Variants in CELA3B observed in about 807,000 individuals in gnomAD.
CELA3B encodes chymotrypsin-like elastase family member 3B.
CELA3B carries 34 observed loss-of-function variants against 37.2 expected under a neutral mutation model. The ratio of observed to expected loss-of-function variants is 0.91; its 90% CI spans 0.70 to 1.22. The LOEUF (loss-of-function observed/expected upper bound fraction) is 1.22, where lower values mean the gene tolerates loss of function less well. CELA3B is among the 50% of genes most tolerant of loss of function. The probability of loss-of-function intolerance (pLI) is 0.00; values close to 1 mark genes in which losing one functional copy is unlikely to be tolerated. For synonymous variants in CELA3B, 127 were observed against 143.5 expected (o/e 0.89, Z 0.82); for missense variants, 340 against 363.1 (o/e 0.94, Z 0.52).
chr1:21,992,998 TG>T (rs1182160503), downstream of CELA3B, among the ~76,000 whole-genome samples: 1 of 150,132 alleles, frequency 6.7e-6, no homozygotes, highest in Non-Finnish European at 1.5e-5. Flanking sequence ...AAAAATCTTG[TG>T]GCAGTTAGAA....
intron 4 of CELA3B, among the ~76,000 whole-genome samples, chr1:21,997,427 G>A (rs1420122262): frequency 4.0e-5 from 6 of 148,670 alleles, no homozygotes; most frequent in South Asian, 2.1e-4. Flanking sequence ...GGTGGCTCAC[G>A]ACTGTAATCC....
At chr1:21,992,196 T>C (rs1402191832), downstream of CELA3B, among the ~76,000 whole-genome samples, 1 of 151,482 alleles carries the variant, frequency 6.6e-6, no homozygotes, top group African/African-American at 2.4e-5. Flanking sequence ...GTATGTTACA[T>C]GTGTCCCATG....
intron 7 of CELA3B, among the ~76,000 whole-genome samples, chr1:21,987,309 C>T (rs1239037965): frequency 1.6e-4 from 24 of 151,504 alleles, no homozygotes; most frequent in Admixed American, 8.5e-4. Context: ...AAAAATTAGC[C>T]GGGCATGGTG....
chr1:21,998,209 C>A, exon 5 of CELA3B: 1 of 469,988 alleles, frequency 2.1e-6, no homozygotes, highest in Non-Finnish European at 4.4e-6. Context: ...GTGTGATTCA[C>A]CGTGAACACT....
chr1:21,980,808 C>G lies in CELA3B; in HGVS notation c.130-16C>G. 6.4e-7 allele frequency: 1 copy of G among 1,553,008 alleles called. No individual in the cohort carries two copies. The highest frequency in any genetic ancestry group is 8.9e-7 in the Non-Finnish European group (1 of 1,129,596). On this transcript the variant is annotated splice_polypyrimidine_tract_variant and intron_variant, in intron 2 of 7. Coordinates refer to ENST00000337107, the MANE Select transcript of CELA3B (RefSeq NM_007352.4). The stretch of plus-strand genomic sequence containing the variant: ...GGGGCCCAGCCCACTGAGGCCCTTT[C>G]CTCCTGGGCCACCAGGTTTCCCTGC...
In CELA3B at chr1:21,986,578, G is replaced by A. The variant is rs1373566280; in HGVS notation, c.690G>A (p.Trp230Ter). The A allele has an allele frequency of 6.2e-7, 1 of 1,614,100 alleles. No homozygotes were observed. Among genetic ancestry groups the A allele is most frequent in the Non-Finnish European group, 8.5e-7 (1 of 1,180,022 alleles). The change falls in exon 7 of 8, where the codon TGG becomes TGA. Residue 230 changes from tryptophan (W) to a stop codon, truncating the protein, a stop_gained. Coordinates refer to ENST00000337107, the MANE Select transcript of CELA3B (RefSeq NM_007352.4). LOFTEE classifies it high-confidence loss of function. ...PLNCPTEDGG[W>*]QVHGVTSFVS... Reference sequence around the variant, plus strand: ...ACTGCCCCACAGAGGATGGTGGCTGGCAGGTCCATGGCGTGACCAGCTTTG... The same window carrying A: ...ACTGCCCCACAGAGGATGGTGGCTGACAGGTCCATGGCGTGACCAGCTTTG...
chr1:21,988,682 G>C (rs1644854161), intron 7 of CELA3B, among the ~76,000 whole-genome samples: 1 of 150,588 alleles, frequency 6.6e-6, no homozygotes, highest in South Asian at 2.1e-4. Context: ...ACAAGGTCAG[G>C]AGATTGAGAC....
intron 6 of CELA3B, among the ~76,000 whole-genome samples, chr1:21,984,682 C>T (rs1409028510): frequency 6.6e-6 from 1 of 152,168 alleles, no homozygotes; most frequent in African/African-American, 2.4e-5. Flanking sequence ...CATGGTGGCT[C>T]ATGCCTGTAA....
downstream of CELA3B, among the ~76,000 whole-genome samples, chr1:21,993,449 G>C (rs2152817944): frequency 7.4e-6 from 1 of 135,680 alleles, no homozygotes; most frequent in South Asian, 2.2e-4. Flanking sequence ...ACAACAGAAA[G>C]GACCTCCTCT....
chr1:21,993,263 C>A (rs1275035135), downstream of CELA3B, among the ~76,000 whole-genome samples: 13 of 151,138 alleles, frequency 8.6e-5, no homozygotes, highest in African/African-American at 2.9e-4. Context: ...GAGTTCGAGA[C>A]CAGACTGGCC....
chr1:21,996,332 T>G lies in CELA3B; in HGVS notation c.505-1819T>G, dbSNP rs1042633134. Among the ~76,000 whole-genome samples, 22 of 151,006 alleles carry G rather than the reference T, an allele frequency of 1.5e-4. 1 individual carries two copies. Among genetic ancestry groups the G allele is most frequent in the African/African-American group, 3.7e-4 (15 of 40,750 alleles). ...CATAAAGACCTTGCTGATAAAACAG[T>G]TTGCAGTAAAGAAGCCGGCCAAAAC... On this transcript the variant is annotated intron_variant, in intron 4 of 4. Coordinates refer to the CELA3B transcript ENST00000400277.
rs374175987 is a variant in CELA3B at position 21,983,671 on chromosome 1, C to T, written c.363-23C>T. 4.2e-5 allele frequency: 68 copies of T among 1,610,532 alleles called. 1 individual carries two copies. The East Asian group carries it at 4.2e-4, about 10-fold the overall frequency. ...TTGGGCCGGCTGGAGGACCAGGCCC[C>T]GTGACTGTTCCCTCCTCCCCAGCAA... On this transcript the variant is annotated intron_variant, in intron 4 of 7. Transcript: ENST00000337107.
downstream of CELA3B, among the ~76,000 whole-genome samples, chr1:21,992,936 C>T (rs1259159759): frequency 6.7e-6 from 1 of 148,926 alleles, no homozygotes; most frequent in Non-Finnish European, 1.5e-5. Context: ...CTGTACCACT[C>T]CAGCCTGGGT....
chr1:21,978,914 G>A (rs920486311), intron 2 of CELA3B, among the ~76,000 whole-genome samples: 1 of 151,702 alleles, frequency 6.6e-6, no homozygotes, highest in African/African-American at 2.4e-5. Flanking sequence ...GGGCACGGTG[G>A]CTCACGCCTG....
chr1:21,995,155 T>G (rs1412394713), intron 4 of CELA3B, among the ~76,000 whole-genome samples: 2 of 146,958 alleles, frequency 1.4e-5, no homozygotes, highest in Non-Finnish European at 3.0e-5. Flanking sequence ...TTTTTTTTTT[T>G]TTTTTTGAGA....
chr1:21,987,169 A>G (rs1644843645), intron 7 of CELA3B, among the ~76,000 whole-genome samples: 1 of 151,428 alleles, frequency 6.6e-6, no homozygotes, highest in Non-Finnish European at 1.5e-5. Flanking sequence ...AAAAAAGAGT[A>G]ATAGCTGGGC....
exon 5 of CELA3B, chr1:21,998,165 C>A (rs764810802): frequency 2.8e-5 from 13 of 470,310 alleles, no homozygotes; most frequent in Non-Finnish European, 4.9e-5. Flanking sequence ...TACAGGGCAA[C>A]AAGGCACCAG....
intron 4 of CELA3B, among the ~76,000 whole-genome samples, chr1:21,997,937 GA>G (rs756339240): frequency 2.0e-5 from 3 of 151,300 alleles, no homozygotes; most frequent in Admixed American, 6.6e-5. Context: ...CTATAATGAA[GA>G]TTGACTGTTG....
rs201579940 is a variant in CELA3B at position 21,987,155 on chromosome 1, A to AG, written c.795+472_795+473insG. 2.3e-5 allele frequency: 4 copies of AG among 173,654 alleles called. No individual in the cohort carries two copies. In the African/African-American group the frequency reaches 4.7e-4, roughly 21 times the overall value. The allele number at this position is 173,654 out of a possible 1,614,324, so 10.8% of individuals were successfully genotyped here. On this transcript the variant is annotated intron_variant, in intron 7 of 7. Coordinates refer to ENST00000337107, the MANE Select transcript of CELA3B (RefSeq NM_007352.4). ...AATAGCTAAACAAAAAAAAAAAAGA[A>AG]AAAAAAAAAGAGTAATAGCTGGGCA...
Sources: allele counts gnomAD v4.1 joint callset (sites outside exome capture counted in the v4.1 genomes callset), GRCh38; gene constraint gnomAD v4.1.1; transcripts MANE v1.5; gene names NCBI Gene and HGNC (gene_info 2026-07-23, HGNC 2026-07-21).